The following RAD23B variants were observed in gnomAD, a reference collection of about 807,000 sequenced individuals.
RAD23B encodes the protein RAD23 nucleotide excision repair protein B, also known as lysine-specific demethylase RAD23B.
A neutral mutation model predicts 49.1 loss-of-function variants in RAD23B; 5 were observed. The observed-to-expected ratio is 0.10, with a 90% CI of 0.05 to 0.21. RAD23B has a LOEUF of 0.21. Among genes scored for constraint, RAD23B ranks in the 10% least tolerant of loss-of-function variants. RAD23B has a pLI of 1.00. For missense variants in RAD23B, 356 were observed against 486.7 expected, an observed-to-expected ratio of 0.73 and a Z score of 2.53; for synonymous variants, 184 against 165.4, an observed-to-expected ratio of 1.11 and a Z score of -0.86.
intron 1 of RAD23B, 112 bp from the exon 2 acceptor site, chr9:107,300,029 G>A: frequency 7.6e-7 from 1 of 1,307,512 alleles, no homozygotes; most frequent in South Asian, 1.6e-5. Context: ...TTGAGGTTTT[G>A]GAAACATTAA....
At chr9:107,284,704 A>C in intron 1 of RAD23B, 1 of 1,110,580 alleles carries the variant, frequency 9.0e-7, no homozygotes, top group Non-Finnish European at 1.1e-6. Flanking sequence ...CATAATACTA[A>C]GTTTAAACCA....
intron 3 of RAD23B, 94 bp from the exon 4 acceptor site, chr9:107,306,285 T>C (rs1826771291): frequency 8.2e-7 from 1 of 1,212,904 alleles, no homozygotes; most frequent in Non-Finnish European, 1.2e-6. Flanking sequence ...TTATTAGTGC[T>C]ATGTTTGTGG....
chr9:107,312,785 A>G (rs1826913120), intron 5 of RAD23B, among the ~76,000 whole-genome samples: 1 of 152,106 alleles, frequency 6.6e-6, no homozygotes, highest in Non-Finnish European at 1.5e-5. Context: ...GAGAGGCAGT[A>G]AACTGTCTGT....
At position 107,318,946 on chromosome 9, in the gene RAD23B, T is replaced by A; in HGVS notation, c.681+67T>A. 2.7e-6 allele frequency: 4 copies of A among 1,491,302 alleles called. No homozygotes were observed. Among genetic ancestry groups the A allele is most frequent in the Non-Finnish European group, 3.7e-6 (4 of 1,090,922 alleles). 92.4% of individuals were successfully genotyped at this position (1,491,302 alleles called of 1,614,324 possible). On this transcript the variant is annotated intron_variant, in intron 6 of 9. Transcript: ENST00000358015. The surrounding 1 kb of genome is among the most constrained non-coding windows in gnomAD (Gnocchi z 4.3). Reference sequence around the variant, plus strand: ...ATTAAAATCTCAAAGAAACAGATTTTAAAGGACCAGTTCACTTGTCACTGA... The same window carrying A: ...ATTAAAATCTCAAAGAAACAGATTTAAAAGGACCAGTTCACTTGTCACTGA...
chr9:107,325,868 A>G (rs1240551350), intron 9 of RAD23B, among the ~76,000 whole-genome samples: 4 of 152,168 alleles, frequency 2.6e-5, no homozygotes, highest in Admixed American at 1.3e-4. Flanking sequence ...GATATTATCT[A>G]TGGGTTTTTT....
intron 1 of RAD23B, among the ~76,000 whole-genome samples, chr9:107,295,778 A>T (rs1826502674): frequency 6.6e-6 from 1 of 152,212 alleles, no homozygotes; most frequent in South Asian, 2.1e-4. Flanking sequence ...TAGCTAAGCA[A>T]GGTTAGGACA....
At chr9:107,305,595 C>G in intron 3 of RAD23B, among the ~76,000 whole-genome samples, 1 of 152,120 alleles carries the variant, frequency 6.6e-6, no homozygotes, top group African/African-American at 2.4e-5. Flanking sequence ...AGCTTTATGG[C>G]TCTATTTCCA....
chr9:107,286,781 C>G (rs1345771551), intron 1 of RAD23B, among the ~76,000 whole-genome samples: 1 of 151,996 alleles, frequency 6.6e-6, no homozygotes, highest in African/African-American at 2.4e-5. Context: ...CTTAAAAATT[C>G]TGAAGTTTAG....
At chr9:107,311,635 A>G in intron 4 of RAD23B, 47 bp from the exon 5 acceptor site, 1 of 1,386,630 alleles carries the variant, frequency 7.2e-7, no homozygotes, top group Non-Finnish European at 9.9e-7. Context: ...TGTAAATTAA[A>G]TTTTATATAC....
At chr9:107,297,071 C>T (rs1455901602) in intron 1 of RAD23B, among the ~76,000 whole-genome samples, 1 of 151,666 alleles carries the variant, frequency 6.6e-6, no homozygotes, top group East Asian at 2.0e-4. Flanking sequence ...CCAGGATGAT[C>T]GTGATCTCTT....
chr9:107,305,050 A>T (rs1014638695), intron 3 of RAD23B, among the ~76,000 whole-genome samples: 1 of 152,026 alleles, frequency 6.6e-6, no homozygotes. Flanking sequence ...TCGCCTTGGG[A>T]GGCCAAGGTG....
At chr9:107,325,451 G>A (rs73517764) in intron 9 of RAD23B, among the ~76,000 whole-genome samples, 1 of 151,304 alleles carries the variant, frequency 6.6e-6, no homozygotes, top group Non-Finnish European at 1.5e-5. Context: ...TGTAGAAGTT[G>A]TGTAATACTT....
In RAD23B at chr9:107,283,306, T is replaced by TGCG. The variant is rs1284930457; in HGVS notation, c.-323_-322insCGG. The TGCG allele has an allele frequency of 7.3e-6, 3 of 411,926 alleles. No homozygotes were observed. The highest frequency in any genetic ancestry group is 1.3e-5 in the Non-Finnish European group (3 of 235,718). The allele number at this position is 411,926 out of a possible 1,614,324, so 25.5% of individuals were successfully genotyped here. On this transcript the variant is annotated 5_prime_UTR_variant, in exon 1 of 10. Coordinates refer to ENST00000358015, the MANE Select transcript of RAD23B (RefSeq NM_002874.5). ...GTCACGATGATGGCGGCCACCATCC[T>TGCG]GTGGTGAGCTAGCGGATTCCCTGCT... is the stretch of plus-strand genomic sequence containing the variant.
intron 9 of RAD23B, among the ~76,000 whole-genome samples, chr9:107,328,860 GT>G (rs1163512773): frequency 6.6e-6 from 1 of 152,206 alleles, no homozygotes; most frequent in African/African-American, 2.4e-5. Flanking sequence ...ATTGTCACAA[GT>G]GATTTTTAAT....
intron 5 of RAD23B, 51 bp downstream of exon 5, chr9:107,311,788 G>T (rs2133085090): frequency 7.4e-7 from 1 of 1,354,330 alleles, no homozygotes; most frequent in Non-Finnish European, 1.0e-6. Flanking sequence ...TAGGAAAGAG[G>T]TTTCACTTTT....
At chr9:107,287,834 C>A (rs377606120) in intron 1 of RAD23B, among the ~76,000 whole-genome samples, 538 of 118,952 alleles carry the variant, frequency 4.5e-3, no homozygotes, top group African/African-American at 4.9e-3. Context: ...AACTCCATCT[C>A]AAAAAAAAAA....
intron 5 of RAD23B, among the ~76,000 whole-genome samples, chr9:107,312,043 G>T (rs1826898883): frequency 6.6e-6 from 1 of 152,072 alleles, no homozygotes. Flanking sequence ...TATTACAAAG[G>T]GTCTTTGAAA....
chr9:107,325,377 G>C (rs1827186100), intron 9 of RAD23B, among the ~76,000 whole-genome samples: 1 of 144,770 alleles, frequency 6.9e-6, no homozygotes, highest in Non-Finnish European at 1.5e-5. Flanking sequence ...CAAATGCTCA[G>C]AAGTCACATA....
chr9:107,308,726 AC>A (rs1353130362), intron 4 of RAD23B, among the ~76,000 whole-genome samples: 1 of 152,220 alleles, frequency 6.6e-6, no homozygotes, highest in African/African-American at 2.4e-5. Context: ...TCAAAATTTT[AC>A]CTCAGAAATA....
Sources: allele counts gnomAD v4.1 joint callset (sites outside exome capture counted in the v4.1 genomes callset), GRCh38; gene constraint gnomAD v4.1.1; non-coding constraint Gnocchi (gnomAD v3.1); transcripts MANE v1.5; gene names NCBI Gene and HGNC (gene_info 2026-07-23, HGNC 2026-07-21).